Variants in MYO18B observed in about 807,000 individuals in gnomAD.
The protein encoded by MYO18B is myosin XVIIIB, also known as unconventional myosin-XVIIIb.
MYO18B carries 204 observed loss-of-function variants against 273.0 expected under a neutral mutation model. That is an observed-to-expected ratio of 0.75 (90% confidence interval 0.67 to 0.84). MYO18B has a LOEUF of 0.84. MYO18B is among the 40% of genes least tolerant of loss of function. The pLI is 0.00. For synonymous variants in MYO18B, 1,330 were observed against 1,305.7 expected (o/e 1.02, Z -0.40); for missense variants, 3,212 against 3,287.6 (o/e 0.98, Z 0.56).
intron 1 of MYO18B, among the ~76,000 whole-genome samples, chr22:25,749,128 T>A (rs1019610451): frequency 3.3e-5 from 5 of 152,192 alleles, no homozygotes; most frequent in Non-Finnish European, 7.3e-5. Context: ...TATCCGTCTA[T>A]CAGGATTGAT....
At chr22:25,857,353 A>G (rs1306892749) in intron 21 of MYO18B, among the ~76,000 whole-genome samples, 1 of 152,194 alleles carries the variant, frequency 6.6e-6, no homozygotes. Context: ...TTAGCCGGCA[A>G]AATCTCTGTC....
chr22:26,004,575 C>T, intron 41 of MYO18B, 143 bp from the exon 42 acceptor site: 3 of 995,906 alleles, frequency 3.0e-6, no homozygotes, highest in East Asian at 2.8e-5. Flanking sequence ...ACAGCACTGG[C>T]TCCTACCTCT....
Position 25,977,402 on chromosome 22 carries a change from C to A in MYO18B, c.6157-14961C>A, listed in dbSNP as rs2093102590. On this transcript the variant is annotated intron_variant, in intron 39 of 43. Transcript: ENST00000335473. ...CTCTCCTGGGACTGCTGTGAACATA[C>A]ATGGATGCTACACCAGGTTAAGACC... Among the ~76,000 whole-genome samples, 5 of 152,084 alleles carry A rather than the reference C, an allele frequency of 3.3e-5. No individual in the cohort carries two copies. The South Asian group carries it at 1.0e-3, about 31-fold the overall frequency.
In MYO18B at chr22:25,851,526, G is replaced by A. The variant is rs2090427921; in HGVS notation, c.3832G>A (p.Ala1278Thr). ...RFRRQFQVLDAPLLKKLMSTS... is the reference protein window; with the variant it reads ...RFRRQFQVLDTPLLKKLMSTS... ...CCGCCGGCAATTCCAGGTGCTGGAC[G>A]CTCCACTCCTGAAGAAGCTCATGTC... Residue 1278 changes from alanine (A) to threonine (T), a missense_variant, in exon 21 of 44, where the codon GCT (alanine) becomes ACT (threonine). Physicochemically the swap from Ala to Thr is moderately conservative, Grantham distance 58. Transcript: ENST00000335473. The A allele has an allele frequency of 1.9e-6, 3 of 1,561,578 alleles. No homozygotes were observed. The highest frequency in any genetic ancestry group is 2.4e-5 in the South Asian group (2 of 84,468).
chr22:25,893,903 G>T (rs141583415), intron 27 of MYO18B, among the ~76,000 whole-genome samples: 1 of 150,774 alleles, frequency 6.6e-6, no homozygotes, highest in Non-Finnish European at 1.5e-5. Context: ...ATCCACCCAT[G>T]CACCCACTTC....
At chr22:25,746,935 C>A (rs957715532) in intron 1 of MYO18B, among the ~76,000 whole-genome samples, 2 of 152,126 alleles carry the variant, frequency 1.3e-5, no homozygotes, top group Admixed American at 1.3e-4. Context: ...TCCTGGCTAA[C>A]ACGGTGAAAC....
the MYO18B span, among the ~76,000 whole-genome samples, chr22:26,060,804 G>C: frequency 7.0e-6 from 1 of 143,240 alleles, no homozygotes; most frequent in Admixed American, 6.9e-5. Context: ...GCACATATAT[G>C]CACATAAACA....
intron 39 of MYO18B, among the ~76,000 whole-genome samples, chr22:25,956,205 G>A (rs892130955): frequency 6.0e-5 from 9 of 149,368 alleles, no homozygotes; most frequent in African/African-American, 1.7e-4. Context: ...AGGATGGACC[G>A]AGGAACCTTT....
At chr22:25,778,586 C>T (rs2087008268) in intron 8 of MYO18B, among the ~76,000 whole-genome samples, 1 of 151,980 alleles carries the variant, frequency 6.6e-6, no homozygotes, top group Non-Finnish European at 1.5e-5. Flanking sequence ...CTTAAGTGAT[C>T]CTCCCACCTC....
intron 22 of MYO18B, among the ~76,000 whole-genome samples, chr22:25,870,683 G>A (rs1225717703): frequency 1.3e-5 from 2 of 152,088 alleles, no homozygotes; most frequent in Non-Finnish European, 2.9e-5. Context: ...CAAAGTATGG[G>A]CCCTGAACCA....
At chr22:25,967,021 A>G (rs1297586330) in intron 39 of MYO18B, among the ~76,000 whole-genome samples, 2 of 152,210 alleles carry the variant, frequency 1.3e-5, no homozygotes, top group Non-Finnish European at 2.9e-5. Flanking sequence ...TCTGCATTGA[A>G]AACAGACTCT....
chr22:25,813,891 C>G (rs1019092190), intron 12 of MYO18B, among the ~76,000 whole-genome samples: 1 of 152,184 alleles, frequency 6.6e-6, no homozygotes, highest in African/African-American at 2.4e-5. Flanking sequence ...ACCCTGCATC[C>G]TCCTCCCTGC....
intron 39 of MYO18B, among the ~76,000 whole-genome samples, chr22:25,963,821 A>G (rs950232336): frequency 2.0e-5 from 3 of 151,888 alleles, no homozygotes; most frequent in Non-Finnish European, 2.9e-5. Flanking sequence ...AAAGTGTCAA[A>G]TGACAGCCCA....
At chr22:25,801,363 C>T (rs1601736008) in intron 12 of MYO18B, among the ~76,000 whole-genome samples, 1 of 152,234 alleles carries the variant, frequency 6.6e-6, no homozygotes, top group Admixed American at 6.5e-5. Flanking sequence ...CTCTATTATG[C>T]CCTTGGATTG....
intron 39 of MYO18B, among the ~76,000 whole-genome samples, chr22:25,986,884 G>A (rs1485392022): frequency 1.3e-5 from 2 of 152,098 alleles, no homozygotes; most frequent in East Asian, 1.9e-4. Flanking sequence ...GTACACACAC[G>A]TTTGCATATA....
intron 20 of MYO18B, among the ~76,000 whole-genome samples, chr22:25,848,126 G>A (rs1387222370): frequency 6.6e-6 from 1 of 152,160 alleles, no homozygotes; most frequent in Admixed American, 6.6e-5. Flanking sequence ...TTTTAGCCAT[G>A]AATTTCTAAG....
intron 39 of MYO18B, among the ~76,000 whole-genome samples, chr22:25,980,794 G>A (rs534931962): frequency 2.6e-5 from 4 of 152,226 alleles, no homozygotes; most frequent in East Asian, 1.9e-4. Context: ...TTTAGGGGAG[G>A]TATAACAAAG....
At position 25,829,808 on chromosome 22, in the gene MYO18B, A is replaced by G. The variant is rs2089641613; in HGVS notation, c.2979+840A>G. 2.0e-5 allele frequency among the ~76,000 whole-genome samples: 3 copies of G among 152,050 alleles called. No individual in the cohort carries two copies. In the South Asian group the frequency reaches 6.2e-4, roughly 31 times the overall value. ...AGCTGAGATTGCGCCACTGCACTCC[A>G]GCCTGGGTGACAAAGAGAGACTCCA... On this transcript the variant is annotated intron_variant, in intron 15 of 43. Coordinates refer to ENST00000335473, the MANE Select transcript of MYO18B (RefSeq NM_032608.7).
chr22:25,760,242 C>T (rs1035970219), intron 1 of MYO18B, among the ~76,000 whole-genome samples: 1 of 151,766 alleles, frequency 6.6e-6, no homozygotes, highest in African/African-American at 2.4e-5. Context: ...GATGAAAACC[C>T]TTCTCTACCC....
Sources: allele counts gnomAD v4.1 joint callset (sites outside exome capture counted in the v4.1 genomes callset), GRCh38; gene constraint gnomAD v4.1.1; transcripts MANE v1.5; gene names NCBI Gene and HGNC (gene_info 2026-07-23, HGNC 2026-07-21).